The following NUDT3 variants were observed in gnomAD, a reference collection of about 807,000 sequenced individuals.
NUDT3 encodes nudix hydrolase 3, also known as diphosphoinositol polyphosphate phosphohydrolase 1.
NUDT3 carries 9 observed loss-of-function variants against 23.6 expected under a neutral mutation model. That is an observed-to-expected ratio of 0.38 (90% confidence interval 0.23 to 0.66). NUDT3 has a LOEUF of 0.66. Among genes scored for constraint, NUDT3 ranks in the 30% least tolerant of loss-of-function variants. The probability of loss-of-function intolerance (pLI) is 0.52; values close to 1 mark genes in which losing one functional copy is unlikely to be tolerated. For synonymous variants in NUDT3, 86 were observed against 82.6 expected (o/e 1.04, Z -0.22); for missense variants, 172 against 218.5 (o/e 0.79, Z 1.34).
chr6:34,329,288 A>AT lies in NUDT3; in HGVS notation c.210+12573dup, dbSNP rs201412054. Among the ~76,000 whole-genome samples, 63 of 151,118 alleles carry AT rather than the reference A, an allele frequency of 4.2e-4. No homozygotes were observed. The Middle Eastern group carries it at 0.01, about 25-fold the overall frequency. ...TATATATATAAAAAAGAGAACAACC[A>AT]TTTTTTTTTGAGATGAAGTCTCGCT... On this transcript the variant is annotated intron_variant, in intron 2 of 4. Transcript: ENST00000607016.
At chr6:34,321,440 A>AAAT (rs1045210901) in intron 2 of NUDT3, among the ~76,000 whole-genome samples, 7 of 152,086 alleles carry the variant, frequency 4.6e-5, no homozygotes, top group East Asian at 3.9e-4. Flanking sequence ...TCCATCTCAA[A>AAAT]AATAATAATA....
Position 34,349,907 on chromosome 6 carries a change from G to A in NUDT3, c.100-7935C>T, listed in dbSNP as rs1165252972. 2.0e-5 allele frequency among the ~76,000 whole-genome samples: 3 copies of A among 150,270 alleles called. 1 individual carries two copies. The highest frequency in any genetic ancestry group is 2.1e-4 in the South Asian group (1 of 4,766). On this transcript the variant is annotated intron_variant, in intron 1 of 4. Transcript: ENST00000607016. Reference sequence around the variant, plus strand: ...AGATCGAGACCATCCTGGTTAAAACGGTGAAACCCCGTCTCTACTAAAAAC... The same window carrying A: ...AGATCGAGACCATCCTGGTTAAAACAGTGAAACCCCGTCTCTACTAAAAAC...
intron 2 of NUDT3, among the ~76,000 whole-genome samples, chr6:34,321,396 C>A (rs1763940257): frequency 6.6e-6 from 1 of 151,610 alleles, no homozygotes; most frequent in Non-Finnish European, 1.5e-5. Context: ...CGAGATCGTA[C>A]CACTGCACTC....
At chr6:34,293,606 C>G (rs1763456240) in intron 3 of NUDT3, 71 bp from the exon 4 acceptor site, 1 of 1,561,798 alleles carries the variant, frequency 6.4e-7, no homozygotes, top group South Asian at 1.1e-5. Context: ...ATGAAACACA[C>G]TCTTATGCAT....
chr6:34,324,054 C>T (rs903209629), intron 2 of NUDT3, among the ~76,000 whole-genome samples: 4 of 152,124 alleles, frequency 2.6e-5, no homozygotes, highest in African/African-American at 9.7e-5. Context: ...ACCAGGAGCA[C>T]TTAAAAGCCT....
intron 2 of NUDT3, among the ~76,000 whole-genome samples, chr6:34,336,520 C>T (rs1280210487): frequency 1.3e-5 from 2 of 152,078 alleles, no homozygotes; most frequent in Non-Finnish European, 2.9e-5. Context: ...TGTAGACTGT[C>T]TCTTCACTGT....
chr6:34,289,020 C>T (rs1763376822), intron 4 of NUDT3, 89 bp from the exon 5 acceptor site: 1 of 1,409,054 alleles, frequency 7.1e-7, no homozygotes, highest in Non-Finnish European at 9.4e-7. Context: ...AACATTAAAG[C>T]AATGTTTCTT....
intron 2 of NUDT3, among the ~76,000 whole-genome samples, chr6:34,297,729 AAATAT>A (rs1244700055): frequency 1.8e-3 from 69 of 38,868 alleles, no homozygotes; most frequent in East Asian, 6.3e-3. Context: ...AAAAAAAAAA[AAATAT>A]ATATATATAT....
In NUDT3 at chr6:34,288,911, T is replaced by C. The variant is rs1763374824; in HGVS notation, c.361A>G (p.Lys121Glu). 2 of 1,611,936 alleles carry C rather than the reference T, an allele frequency of 1.2e-6. No individual in the cohort carries two copies. Among genetic ancestry groups the C allele is most frequent in the East Asian group, 4.5e-5 (2 of 44,688 alleles). ...VNIGRKREWF[K>E]IEDAIKVLQY... is the part of the protein sequence containing the mutation. ...AGCACTTTTATGGCGTCTTCTATTT[T>C]AAACCATTCCCTCTTCCTTCCTGTG... Residue 121 changes from lysine (K) to glutamate (E), a missense_variant, in exon 5 of 5, where the codon AAA (lysine) becomes GAA (glutamate). Lys to Glu is a moderately conservative substitution (Grantham distance 56, BLOSUM62 1). Coordinates refer to ENST00000607016, the MANE Select transcript of NUDT3 (RefSeq NM_006703.4).
chr6:34,392,470 A>C lies in NUDT3; in HGVS notation c.-108T>G, dbSNP rs1023883878. The C allele has an allele frequency of 2.7e-5, 19 of 692,400 alleles. No individual in the cohort carries two copies. Among genetic ancestry groups the C allele is most frequent in the Non-Finnish European group, 4.1e-5 (17 of 419,002 alleles). The allele number at this position is 692,400 out of a possible 1,614,324, so 42.9% of individuals were successfully genotyped here. The stretch of plus-strand genomic sequence containing the variant: ...CGCCCCCGGCTCGGCCAAGGGAAGC[A>C]GGGAGGGGGAGCTTCTCCGCTACAC... On this transcript the variant is annotated 5_prime_UTR_variant, in exon 1 of 5. Coordinates refer to ENST00000607016, the MANE Select transcript of NUDT3 (RefSeq NM_006703.4).
chr6:34,354,394 A>AACACACACACAC (rs370168110), intron 1 of NUDT3, among the ~76,000 whole-genome samples: 4,299 of 137,506 alleles, frequency 0.031, 96 homozygotes, highest in Non-Finnish European at 0.038. Context: ...GATTTCATTA[A>AACACACACACAC]ACACACACAC....
At chr6:34,341,217 A>G (rs1394620397) in intron 2 of NUDT3, among the ~76,000 whole-genome samples, 2 of 152,156 alleles carry the variant, frequency 1.3e-5, no homozygotes, top group Admixed American at 1.3e-4. Flanking sequence ...CTGGGTTTTC[A>G]ATTGCAATCT....
At chr6:34,327,940 C>T (rs1480076504) in intron 2 of NUDT3, among the ~76,000 whole-genome samples, 1 of 152,166 alleles carries the variant, frequency 6.6e-6, no homozygotes, top group African/African-American at 2.4e-5. Context: ...CCCTTCAGCA[C>T]CTGACCCTGT....
intron 2 of NUDT3, among the ~76,000 whole-genome samples, chr6:34,307,857 G>A (rs1250155712): frequency 6.6e-6 from 1 of 151,938 alleles, no homozygotes; most frequent in Non-Finnish European, 1.5e-5. Flanking sequence ...AGGGGCTCAT[G>A]CCTGTAATCT....
At chr6:34,340,134 T>C (rs1039342140) in intron 2 of NUDT3, among the ~76,000 whole-genome samples, 9 of 152,142 alleles carry the variant, frequency 5.9e-5, no homozygotes, top group Non-Finnish European at 1.5e-5. Flanking sequence ...TGTGTAAGGA[T>C]AGAGCTGTGA....
chr6:34,294,050 T>A (rs1332028865), intron 3 of NUDT3, among the ~76,000 whole-genome samples: 1 of 152,210 alleles, frequency 6.6e-6, no homozygotes, highest in Non-Finnish European at 1.5e-5. Context: ...CGCAGTGGCA[T>A]GATCATGGCT....
chr6:34,341,275 A>G (rs139480441), intron 2 of NUDT3, among the ~76,000 whole-genome samples: 108 of 152,184 alleles, frequency 7.1e-4, no homozygotes, highest in African/African-American at 2.6e-3. Flanking sequence ...AAGAGAACTA[A>G]GAGTCCATGA....
rs149577265 is a variant in NUDT3, at chr6:34,293,504, T to C, written c.287A>G (p.Tyr96Cys). ...NQERKHRTYV[Y>C]VLIVTEVLED... The stretch of plus-strand genomic sequence containing the variant: ...CAGCACTTCAGTGACAATGAGCACA[T>C]AGACATACGTCCTGTGCTTCCTCTC... Residue 96 changes from tyrosine to cysteine, a missense_variant, in exon 4 of 5, where the codon TAT becomes TGT. Transcript: ENST00000607016. The C allele has an allele frequency of 3.7e-6, 6 of 1,614,206 alleles. No homozygotes were observed. The highest frequency in any genetic ancestry group is 4.2e-6 in the Non-Finnish European group (5 of 1,180,022).
intron 1 of NUDT3, among the ~76,000 whole-genome samples, chr6:34,372,597 G>A (rs1442511253): frequency 6.6e-6 from 1 of 151,922 alleles, no homozygotes; most frequent in Non-Finnish European, 1.5e-5. Flanking sequence ...CTGAGGTCAC[G>A]AGTTCGAGAC....
Sources: allele counts gnomAD v4.1 joint callset (sites outside exome capture counted in the v4.1 genomes callset), GRCh38; gene constraint gnomAD v4.1.1; transcripts MANE v1.5; gene names NCBI Gene and HGNC (gene_info 2026-07-23, HGNC 2026-07-21).